Variants in GRIK4 observed in about 807,000 individuals in gnomAD.
GRIK4 encodes the protein glutamate ionotropic receptor kainate type subunit 4.
GRIK4 carries 40 observed loss-of-function variants against 104.9 expected under a neutral mutation model. The ratio of observed to expected loss-of-function variants is 0.38; its 90% CI spans 0.30 to 0.50. The LOEUF is 0.50. Ranked by LOEUF, GRIK4 falls within the 20% of genes least tolerant of loss-of-function variation. The probability of loss-of-function intolerance (pLI) is 0.93; values close to 1 mark genes in which losing one functional copy is unlikely to be tolerated. For synonymous variants in GRIK4, 485 were observed against 524.9 expected (o/e 0.92, Z 1.04); for missense variants, 1,047 against 1,308.1 (o/e 0.80, Z 3.08).
intron 11 of GRIK4, among the ~76,000 whole-genome samples, chr11:120,880,950 A>G (rs1954953855): frequency 6.6e-6 from 1 of 152,162 alleles, no homozygotes; most frequent in Admixed American, 6.5e-5. Context: ...AGAGCTCATA[A>G]TCTTTTGGGG....
At chr11:120,710,951 A>G (rs935888218) in intron 3 of GRIK4, among the ~76,000 whole-genome samples, 47 of 149,984 alleles carry the variant, frequency 3.1e-4, no homozygotes, top group African/African-American at 1.2e-3. Context: ...GCAGTGCAGA[A>G]CTGGAGCACC....
chr11:120,603,701 G>C (rs1000215888), intron 1 of GRIK4, among the ~76,000 whole-genome samples: 1 of 152,208 alleles, frequency 6.6e-6, no homozygotes, highest in African/African-American at 2.4e-5. Context: ...GCCTTCAAGC[G>C]TCATACCCCT....
At chr11:120,900,920 G>T (rs917907795) in intron 12 of GRIK4, among the ~76,000 whole-genome samples, 1 of 152,172 alleles carries the variant, frequency 6.6e-6, no homozygotes, top group African/African-American at 2.4e-5. Context: ...GTCCACTTTG[G>T]GGGAGGGGGT....
At chr11:120,785,863 T>A (rs879602) in intron 3 of GRIK4, among the ~76,000 whole-genome samples, 1 of 152,226 alleles carries the variant, frequency 6.6e-6, no homozygotes, top group African/African-American at 2.4e-5. Context: ...CCTGCCCTCC[T>A]GGCCCTTTTG....
intron 1 of GRIK4, among the ~76,000 whole-genome samples, chr11:120,638,713 G>A (rs940117477): frequency 1.3e-4 from 19 of 151,778 alleles, no homozygotes; most frequent in Admixed American, 1.0e-3. Context: ...TCCTGACCTC[G>A]TGATCCGCCC....
chr11:120,921,091 G>A (rs146211197), intron 13 of GRIK4, among the ~76,000 whole-genome samples: 6 of 152,244 alleles, frequency 3.9e-5, no homozygotes, highest in East Asian at 3.9e-4. Flanking sequence ...TTTCTGAGAC[G>A]TGTTCTTTCT....
intron 3 of GRIK4, among the ~76,000 whole-genome samples, chr11:120,785,358 A>T (rs1345990974): frequency 2.6e-5 from 4 of 151,898 alleles, no homozygotes. Context: ...CCAAAAGAAA[A>T]CCTACAGGGA....
chr11:120,855,421 G>A (rs1954078565), intron 8 of GRIK4, among the ~76,000 whole-genome samples: 1 of 152,236 alleles, frequency 6.6e-6, no homozygotes, highest in African/African-American at 2.4e-5. Flanking sequence ...CTGGCGCACA[G>A]TTGGTGGTCA....
rs941539264 is a variant in GRIK4, at chr11:120,555,589, C to G, written c.-159+43702C>G. Among the ~76,000 whole-genome samples, 1 of 152,198 alleles carries G rather than the reference C, an allele frequency of 6.6e-6. No individual in the cohort carries two copies. The highest frequency in any genetic ancestry group is 1.5e-5 in the Non-Finnish European group (1 of 68,036). ...TCACGGTCCGCCTGCCTTTCCCGAC[C>G]TACCCACTTCTGGGGAGTTTCTTAT... On this transcript the variant is annotated intron_variant, in intron 1 of 20. Transcript: ENST00000527524. The surrounding 1 kb of genome is among the most constrained non-coding windows in gnomAD (Gnocchi z 5.3).
intron 2 of GRIK4, among the ~76,000 whole-genome samples, chr11:120,659,283 G>A (rs1004378231): frequency 6.6e-6 from 1 of 152,120 alleles, no homozygotes; most frequent in South Asian, 2.1e-4. Flanking sequence ...TAGAGGTTGG[G>A]GGTGGGGCTG....
chr11:120,755,125 C>T (rs1951630230), intron 3 of GRIK4, among the ~76,000 whole-genome samples: 1 of 152,164 alleles, frequency 6.6e-6, no homozygotes, highest in Non-Finnish European at 1.5e-5. Context: ...ATTCTTTCAA[C>T]AGTTATTGAG....
At chr11:120,803,394 A>G (rs928346975) in intron 4 of GRIK4, among the ~76,000 whole-genome samples, 8 of 152,078 alleles carry the variant, frequency 5.3e-5, no homozygotes, top group Non-Finnish European at 1.0e-4. Flanking sequence ...ACTAGGCTCT[A>G]TTTTGCAAAT....
intron 3 of GRIK4, among the ~76,000 whole-genome samples, chr11:120,665,148 A>G (rs1949891001): frequency 6.6e-6 from 1 of 152,146 alleles, no homozygotes; most frequent in Non-Finnish European, 1.5e-5. Flanking sequence ...GATAAAAAAC[A>G]CCAGTTTCTT....
intron 1 of GRIK4, among the ~76,000 whole-genome samples, chr11:120,516,680 AATGAC>A (rs892174410): frequency 5.9e-5 from 9 of 152,070 alleles, no homozygotes; most frequent in African/African-American, 1.9e-4. Context: ...GGTAAGCTTG[AATGAC>A]ATTTTCAAGA....
intron 3 of GRIK4, among the ~76,000 whole-genome samples, chr11:120,741,323 G>A (rs904961788): frequency 3.0e-5 from 4 of 133,284 alleles, no homozygotes; most frequent in Non-Finnish European, 6.2e-5. Flanking sequence ...CTGTCACCCA[G>A]GCTGGAGTGC....
intron 20 of GRIK4, among the ~76,000 whole-genome samples, chr11:120,984,277 G>A (rs1325688387): frequency 3.3e-5 from 5 of 152,174 alleles, no homozygotes; most frequent in Non-Finnish European, 7.3e-5. Context: ...GAGGACTTCT[G>A]CTCCCATATG....
chr11:120,876,768 G>A (rs1954831846), intron 11 of GRIK4, among the ~76,000 whole-genome samples: 1 of 152,116 alleles, frequency 6.6e-6, no homozygotes, highest in African/African-American at 2.4e-5. Context: ...TTATGCATCA[G>A]AATCACCTTG....
chr11:120,727,944 T>C (rs1951061173), intron 3 of GRIK4, among the ~76,000 whole-genome samples: 2 of 152,014 alleles, frequency 1.3e-5, no homozygotes, highest in African/African-American at 2.4e-5. Context: ...AGATAGGCAA[T>C]GAAGATCCAA....
chr11:120,900,872 G>T (rs1297437419), intron 12 of GRIK4, among the ~76,000 whole-genome samples: 1 of 152,194 alleles, frequency 6.6e-6, no homozygotes, highest in African/African-American at 2.4e-5. Flanking sequence ...GGGTTGCGGT[G>T]TCGCTGTCCA....
Sources: gnomAD v4.1 joint callset for allele counts (sites outside exome capture counted in the v4.1 genomes callset) on GRCh38, gnomAD v4.1.1 for gene constraint, Gnocchi (gnomAD v3.1) non-coding constraint, MANE v1.5 for transcripts, NCBI Gene and HGNC (gene_info 2026-07-23, HGNC 2026-07-21) for gene names.